The following THSD1 variants were observed in gnomAD, a reference collection of about 807,000 sequenced individuals.
The protein encoded by THSD1 is thrombospondin type-1 domain-containing protein 1.
THSD1 carries 34 observed loss-of-function variants against 46.3 expected under a neutral mutation model. The observed-to-expected ratio is 0.74, with a 90% CI of 0.56 to 0.98. The LOEUF is 0.98. Among genes scored for constraint, THSD1 ranks in the 50% least tolerant of loss-of-function variants. The pLI is 0.00. For synonymous variants in THSD1, 407 were observed against 416.5 expected (o/e 0.98, Z 0.28); for missense variants, 1,023 against 1,058.3 (o/e 0.97, Z 0.46).
chr13:52,378,080 T>G lies in THSD1; in HGVS notation c.1890A>C (p.Ala630=). 1.9e-6 allele frequency: 3 copies of G among 1,614,202 alleles called. No homozygotes were observed. The highest frequency in any genetic ancestry group is 2.5e-6 in the Non-Finnish European group (3 of 1,180,034). ...PSQTLIRKSQ[A]RHVGSRGGPS... Reference sequence around the variant, plus strand: ...GGCCCCCTCTGCTGCCCACGTGCCTTGCCTGTGACTTGCGGATCAGAGTCT... The same window carrying G: ...GGCCCCCTCTGCTGCCCACGTGCCTGGCCTGTGACTTGCGGATCAGAGTCT... Residue 630 remains alanine (A), a synonymous_variant, in exon 5 of 5, where the codon GCA becomes GCC. Transcript: ENST00000258613.
intron 1 of THSD1, among the ~76,000 whole-genome samples, chr13:52,404,947 A>T (rs560249397): frequency 3.9e-5 from 6 of 152,368 alleles, no homozygotes; most frequent in African/African-American, 1.4e-4. Context: ...CTACTTGTCA[A>T]TCATAATATG....
intron 3 of THSD1, among the ~76,000 whole-genome samples, chr13:52,387,056 A>C (rs1957737037): frequency 6.6e-6 from 1 of 152,054 alleles, no homozygotes; most frequent in African/African-American, 2.4e-5. Flanking sequence ...CCCTCCCTCT[A>C]CTCCAGGCTA....
chr13:52,402,271 G>A (rs1434420360), intron 2 of THSD1, among the ~76,000 whole-genome samples: 2 of 152,168 alleles, frequency 1.3e-5, no homozygotes, highest in East Asian at 1.9e-4. Context: ...AGAACTCAAG[G>A]TAACATGCTT....
At chr13:52,380,834 C>A (rs1203693818) in intron 4 of THSD1, among the ~76,000 whole-genome samples, 1 of 152,104 alleles carries the variant, frequency 6.6e-6, no homozygotes, top group Non-Finnish European at 1.5e-5. Context: ...AACTTCCATT[C>A]CTTTGATGCC....
At chr13:52,403,117 T>G (rs552927073) in intron 1 of THSD1, among the ~76,000 whole-genome samples, 7 of 152,334 alleles carry the variant, frequency 4.6e-5, no homozygotes, top group African/African-American at 1.7e-4. Context: ...ACCCAAATGC[T>G]CCCTGCCTGG....
At chr13:52,390,230 C>T (rs1413869150) in intron 3 of THSD1, among the ~76,000 whole-genome samples, 1 of 152,102 alleles carries the variant, frequency 6.6e-6, no homozygotes, top group African/African-American at 2.4e-5. Context: ...CACTGGCCAC[C>T]AAAACACACT....
rs1957664434 is a variant in THSD1 at position 52,378,710 on chromosome 13, T to C, written c.1260A>G (p.Ile420Met). The part of the protein sequence containing the change: ...KSNNIVTVTG[I>M]SLCLFIIIAT... ...CAATGATGATGAACAAGCACAAGGA[T>C]ATACCAGTGACAGTCACGATGTTGT... The change falls in exon 5 of 5, where the codon ATA (isoleucine) becomes ATG (methionine). Residue 420 changes from isoleucine (I) to methionine (M), a missense_variant. Physicochemically the swap from Ile to Met is conservative, Grantham distance 10. Around this residue, in one of 3 missense-constraint regions of THSD1, gnomAD observed 429 missense variants for 518.3 expected, o/e 0.83. Transcript: ENST00000258613. The C allele has an allele frequency of 6.2e-7, 1 of 1,613,628 alleles. No individual in the cohort carries two copies. Among genetic ancestry groups the C allele is most frequent in the Non-Finnish European group, 8.5e-7 (1 of 1,180,010 alleles).
rs983057375 is a variant in THSD1, at chr13:52,377,179, C to T, written c.*232G>A. 3.7e-5 allele frequency: 46 copies of T among 1,257,914 alleles called. No homozygotes were observed. In the African/African-American group the frequency reaches 6.6e-4, roughly 18 times the overall value. The allele number at this position is 1,257,914 out of a possible 1,614,324, so 77.9% of individuals were successfully genotyped here. A position where few individuals can be genotyped will look rare whatever the true frequency, so the allele number is the denominator to read the frequency against. On this transcript the variant is annotated 3_prime_UTR_variant, in exon 5 of 5. Coordinates refer to ENST00000258613, the MANE Select transcript of THSD1 (RefSeq NM_018676.4). ...AGACCAAGCCCCATTTGCTCATTTA[C>T]ATTTTATTATCATTGTTATTACTAA...
In THSD1 at chr13:52,377,770, G is replaced by A. The variant is rs1171866325; in HGVS notation, c.2200C>T (p.Pro734Ser). 7 of 1,614,150 alleles carry A rather than the reference G, an allele frequency of 4.3e-6. No individual in the cohort carries two copies. The highest frequency in any genetic ancestry group is 5.1e-6 in the Non-Finnish European group (6 of 1,180,018). Residue 734 changes from proline to serine, a missense_variant, in exon 5 of 5, where the codon CCC becomes TCC. Coordinates refer to ENST00000258613, the MANE Select transcript of THSD1 (RefSeq NM_018676.4). ...PLPKSYTLGQ[P>S]LRKPDLGDHQ... ...TCCCCAAGGTCTGGTTTCCTCAAGGGCTGCCCCAAAGTGTAGGATTTAGGG... is the reference window on the plus strand; with the variant it reads ...TCCCCAAGGTCTGGTTTCCTCAAGGACTGCCCCAAAGTGTAGGATTTAGGG...
chr13:52,399,462 A>G (rs981517831), intron 2 of THSD1, among the ~76,000 whole-genome samples: 1 of 152,206 alleles, frequency 6.6e-6, no homozygotes, highest in African/African-American at 2.4e-5. Context: ...TCATGAATAT[A>G]TATGTCCAAA....
intron 3 of THSD1, 95 bp downstream of exon 3, chr13:52,397,137 G>T: frequency 9.1e-7 from 1 of 1,099,050 alleles, no homozygotes. Context: ...CCATAAAAAT[G>T]ATGGTACAAT....
In THSD1 at chr13:52,386,174, A is replaced by G. The variant is rs1957729357; in HGVS notation, c.1034T>C (p.Leu345Pro). The change falls in exon 4 of 5, where the codon CTG becomes CCG. Residue 345 changes from leucine (L) to proline (P), a missense_variant. Around this residue, in one of 3 missense-constraint regions of THSD1, gnomAD observed 429 missense variants for 518.3 expected, o/e 0.83. Transcript: ENST00000258613. ...ACTACACTGGCTCCATGGCTGCCAC[A>G]GTCCCCAAGTTTCTGCAAGGATATA... ...LIQRNTETWG[L>P]WQPWSQCSAT... The G allele has an allele frequency of 3.7e-6, 6 of 1,614,134 alleles. No homozygotes were observed. The highest frequency in any genetic ancestry group is 5.1e-6 in the Non-Finnish European group (6 of 1,179,988).
intron 3 of THSD1, among the ~76,000 whole-genome samples, chr13:52,391,795 G>A (rs1002411123): frequency 6.6e-6 from 1 of 151,782 alleles, no homozygotes; most frequent in Non-Finnish European, 1.5e-5. Context: ...CACCCACCTC[G>A]GCCTCTCAAA....
At chr13:52,384,937 A>G (rs1008297837) in intron 4 of THSD1, among the ~76,000 whole-genome samples, 6 of 134,158 alleles carry the variant, frequency 4.5e-5, no homozygotes, top group Admixed American at 2.8e-4. Context: ...CTACAATAAG[A>G]AAAAAAAAAA....
intron 3 of THSD1, among the ~76,000 whole-genome samples, chr13:52,394,699 A>G (rs1957799475): frequency 6.6e-6 from 1 of 152,142 alleles, no homozygotes; most frequent in South Asian, 2.1e-4. Context: ...AGACTAGCCA[A>G]ATCTGAGTTC....
At chr13:52,387,631 A>G (rs1479654508) in intron 3 of THSD1, among the ~76,000 whole-genome samples, 1 of 152,236 alleles carries the variant, frequency 6.6e-6, no homozygotes, top group Non-Finnish European at 1.5e-5. Flanking sequence ...GACTGTTAGA[A>G]ACTAAAAAGT....
At chr13:52,396,394 C>T (rs112682523) in intron 3 of THSD1, among the ~76,000 whole-genome samples, 5,247 of 151,962 alleles carry the variant, frequency 0.035, 151 homozygotes, top group Admixed American at 0.096. Flanking sequence ...TGGTGGTGGG[C>T]GCCTGTAGTC....
chr13:52,401,108 G>A (rs977906684), intron 2 of THSD1, among the ~76,000 whole-genome samples: 2 of 151,980 alleles, frequency 1.3e-5, no homozygotes, highest in African/African-American at 4.8e-5. Flanking sequence ...CCAAGTAGCT[G>A]AGATTACAAG....
rs1327187831 is a variant in THSD1 at position 52,378,549 on chromosome 13, T to A, written c.1421A>T (p.Gln474Leu). 6.2e-7 allele frequency: 1 copy of A among 1,614,002 alleles called. No individual in the cohort carries two copies. Among genetic ancestry groups the A allele is most frequent in the African/African-American group, 1.3e-5 (1 of 74,924 alleles). Residue 474 changes from glutamine to leucine, a missense_variant, in exon 5 of 5, where the codon CAG (glutamine) becomes CTG (leucine). Transcript: ENST00000258613. ...TCCCCCATCCGAGAAGCTCCCGCGCTGCTCGCTCAGCTCGCAGATATTCTC... is the reference window on the plus strand; with the variant it reads ...TCCCCCATCCGAGAAGCTCCCGCGCAGCTCGCTCAGCTCGCAGATATTCTC... ...DEENICELSE[Q>L]RGSFSDGGDG...
Sources: gnomAD v4.1 joint callset for allele counts (sites outside exome capture counted in the v4.1 genomes callset) on GRCh38, gnomAD v4.1.1 for gene constraint, gnomAD v4.1.1 regional missense constraint, MANE v1.5 for transcripts, NCBI Gene and HGNC (gene_info 2026-07-23, HGNC 2026-07-21) for gene names.